Variants in HACE1 observed in about 807,000 individuals in gnomAD.
The protein encoded by HACE1 is E3 ubiquitin-protein ligase HACE1.
Under a neutral mutation model 118.4 loss-of-function variants are expected in HACE1, and 73 were observed. The observed-to-expected ratio is 0.62, with a 90% CI of 0.51 to 0.75. HACE1 has a LOEUF of 0.75. Ranked by LOEUF, HACE1 falls within the 30% of genes least tolerant of loss-of-function variation. The probability of loss-of-function intolerance (pLI) is 0.00; values close to 1 mark genes in which losing one functional copy is unlikely to be tolerated. For missense variants in HACE1, 749 were observed against 1,102.2 expected (o/e 0.68, Z 4.54); for synonymous variants, 368 against 374.8 (o/e 0.98, Z 0.21).
intron 14 of HACE1, among the ~76,000 whole-genome samples, chr6:104,778,312 T>C (rs541360380): frequency 1.3e-5 from 2 of 152,096 alleles, no homozygotes; most frequent in African/African-American, 2.4e-5. Flanking sequence ...CAGTAAAAAC[T>C]CCAAGAACTT....
At chr6:104,801,492 A>G (rs1582542020) in intron 7 of HACE1, among the ~76,000 whole-genome samples, 1 of 152,328 alleles carries the variant, frequency 6.6e-6, no homozygotes, top group African/African-American at 2.4e-5. Context: ...CACAAAGGGA[A>G]GCCCATCAGA....
intron 7 of HACE1, among the ~76,000 whole-genome samples, chr6:104,798,943 C>T (rs1033503253): frequency 6.6e-6 from 1 of 152,154 alleles, no homozygotes; most frequent in African/African-American, 2.4e-5. Flanking sequence ...TGACAGTAGG[C>T]TTGTTCCATA....
chr6:104,784,338 G>T, intron 13 of HACE1, 79 bp downstream of exon 13: 1 of 993,270 alleles, frequency 1.0e-6, no homozygotes, highest in Non-Finnish European at 1.6e-6. Context: ...ACGAGAAATA[G>T]TATTTTTTCT....
chr6:104,858,497 C>A, intron 1 of HACE1: 1 of 396,030 alleles, frequency 2.5e-6, no homozygotes. Context: ...CCCAGGAGTT[C>A]AAGACCAGCC....
In HACE1 at chr6:104,822,518, G is replaced by A. The variant is rs1033713582; in HGVS notation, c.534+10524C>T. On this transcript the variant is annotated intron_variant, in intron 6 of 23. Transcript: ENST00000262903. The stretch of plus-strand genomic sequence containing the variant: ...CAGTGAGCTATGATCACACCACTAC[G>A]CTCCGGCCGGTTCAACAGAGTGAAA... 4.0e-5 allele frequency among the ~76,000 whole-genome samples: 6 copies of A among 151,624 alleles called. No homozygotes were observed. In the East Asian group the frequency reaches 5.9e-4, roughly 15 times the overall value.
Position 104,771,328 on chromosome 6 carries a change from T to C in HACE1, c.2076A>G (p.Gln692=), listed in dbSNP as rs571485345. Residue 692 remains glutamine, a synonymous_variant, in exon 19 of 24, where the codon CAA becomes CAG. Transcript: ENST00000262903. The part of the protein sequence containing the change: ...SIDPEYAKNL[Q]WILDNDISDL... ...CACTTATATCATTATCTAAAATCCA[T>C]TGCAAATTTTTCGCATATTCTGGAT... is the stretch of plus-strand genomic sequence containing the variant. 31 of 1,612,584 alleles carry C rather than the reference T, an allele frequency of 1.9e-5. No homozygotes were observed. In the South Asian group the frequency reaches 2.3e-4, roughly 12 times the overall value.
intron 22 of HACE1, among the ~76,000 whole-genome samples, chr6:104,734,269 A>G (rs1775565721): frequency 6.6e-6 from 1 of 152,142 alleles, no homozygotes; most frequent in Non-Finnish European, 1.5e-5. Context: ...ATATTTAAAA[A>G]TCACTTTTTG....
chr6:104,811,261 T>TATATAC, intron 7 of HACE1, 50 bp downstream of exon 7: 1 of 346,242 alleles, frequency 2.9e-6, no homozygotes, highest in African/African-American at 2.3e-5. Flanking sequence ...TATATATATA[T>TATATAC]ATATATATAT....
At chr6:104,845,582 A>G (rs1479888334) in intron 4 of HACE1, among the ~76,000 whole-genome samples, 2 of 148,244 alleles carry the variant, frequency 1.3e-5, no homozygotes, top group Non-Finnish European at 3.0e-5. Context: ...GGTTCACGCC[A>G]TTCTCCTGCC....
intron 12 of HACE1, among the ~76,000 whole-genome samples, chr6:104,784,755 T>A (rs1029286450): frequency 1.4e-4 from 22 of 152,266 alleles, no homozygotes; most frequent in African/African-American, 5.3e-4. Flanking sequence ...TTCAAATACA[T>A]AATTAAGAGA....
intron 5 of HACE1, among the ~76,000 whole-genome samples, chr6:104,841,641 C>T (rs908091708): frequency 5.9e-5 from 9 of 152,172 alleles, no homozygotes; most frequent in Middle Eastern, 3.4e-3. Flanking sequence ...TTTTTCTATA[C>T]CTCATTCCCC....
chr6:104,774,446 A>G (rs143344349), intron 17 of HACE1, among the ~76,000 whole-genome samples: 4,939 of 148,670 alleles, frequency 0.033, 264 homozygotes, highest in African/African-American at 0.12. Flanking sequence ...GTGCAGTGGC[A>G]CAACCTCAGC....
At chr6:104,737,282 C>CAAAAAAAAAAAAAA (rs59915070) in intron 22 of HACE1, among the ~76,000 whole-genome samples, 8 of 42,710 alleles carry the variant, frequency 1.9e-4, no homozygotes, top group African/African-American at 6.9e-4. Flanking sequence ...GACTCTCTCT[C>CAAAAAAAAAAAAAA]AAAAAAAAAA....
chr6:104,771,873 GAAA>G (rs76828183), intron 18 of HACE1, 49 bp downstream of exon 18: 15 of 1,240,962 alleles, frequency 1.2e-5, no homozygotes, highest in Admixed American at 5.5e-5. Flanking sequence ...TCCTCAAACT[GAAA>G]AAAAAACAAT....
intron 1 of HACE1, among the ~76,000 whole-genome samples, chr6:104,855,145 C>A (rs2114369546): frequency 6.6e-6 from 1 of 152,164 alleles, no homozygotes; most frequent in East Asian, 1.9e-4. Flanking sequence ...TCCAGAGCCT[C>A]TACAAATAAT....
At position 104,811,247 on chromosome 6, in the gene HACE1, CATATATATAT is replaced by C. The variant is rs3995559; in HGVS notation, c.617+54_617+63del. The C allele has an allele frequency of 1.5e-4, 31 of 208,494 alleles. 1 individual carries two copies. Among genetic ancestry groups the C allele is most frequent in the Middle Eastern group, 9.3e-4 (1 of 1,070 alleles). The allele number at this position is 208,494 out of a possible 1,614,324, so 12.9% of individuals were successfully genotyped here. ...AAATATATATATTTCTTTATTTATA[CATATATATAT>C]ATATATATATATATATGAGCATATA... On this transcript the variant is annotated intron_variant, in intron 7 of 23. Coordinates refer to ENST00000262903, the MANE Select transcript of HACE1 (RefSeq NM_020771.4).
Position 104,811,350 on chromosome 6 carries a change from G to T in HACE1, c.578C>A (p.Pro193Gln). ...CAATGGAGTTGCTCCTGATACATTT[G>T]GCCTGTTAATATCAGCACCACTGTC... Reference protein sequence around the residue: ...LLDSGADINRPNVSGATPLYF... With the variant: ...LLDSGADINRQNVSGATPLYF... The change falls in exon 7 of 24, where the codon CCA becomes CAA. Residue 193 changes from proline to glutamine, a missense_variant. Pro to Gln is a moderately conservative substitution (Grantham distance 76, BLOSUM62 -1). This residue lies in a region of HACE1 where 267 missense variants were observed against 312.2 expected (regional missense o/e 0.86). Coordinates refer to ENST00000262903, the MANE Select transcript of HACE1 (RefSeq NM_020771.4). The T allele has an allele frequency of 6.4e-7, 1 of 1,552,894 alleles. No homozygotes were observed. Among genetic ancestry groups the T allele is most frequent in the Non-Finnish European group, 8.9e-7 (1 of 1,127,742 alleles).
chr6:104,762,463 A>G (rs1779467526), intron 19 of HACE1, among the ~76,000 whole-genome samples: 1 of 152,074 alleles, frequency 6.6e-6, no homozygotes, highest in Admixed American at 6.6e-5. Context: ...AAAACCAAAC[A>G]CTGCATGTTC....
chr6:104,800,804 C>T (rs1770246166), intron 7 of HACE1, among the ~76,000 whole-genome samples: 1 of 152,210 alleles, frequency 6.6e-6, no homozygotes. Flanking sequence ...CAGAGCACCT[C>T]TTCTCCTCCA....
Sources: gnomAD v4.1 joint callset for allele counts (sites outside exome capture counted in the v4.1 genomes callset) on GRCh38, gnomAD v4.1.1 for gene constraint, gnomAD v4.1.1 regional missense constraint, MANE v1.5 for transcripts, NCBI Gene and HGNC (gene_info 2026-07-23, HGNC 2026-07-21) for gene names.